GON4L: variants seen among roughly 807,000 people sequenced by gnomAD.
The protein encoded by GON4L is GON-4-like protein.
A neutral mutation model predicts 211.8 loss-of-function variants in GON4L; 87 were observed. That is an observed-to-expected ratio of 0.41 (90% CI 0.35 to 0.49). The LOEUF is 0.49. GON4L is among the 20% of genes least tolerant of loss of function. The pLI is 0.15. For synonymous variants in GON4L, 875 were observed against 962.6 expected, an observed-to-expected ratio of 0.91 and a Z score of 1.68; for missense variants, 2,155 against 2,659.5, an observed-to-expected ratio of 0.81 and a Z score of 4.17.
chr1:155,765,569 G>T lies in GON4L; in HGVS notation c.3904C>A (p.Leu1302Met). The T allele has an allele frequency of 1.2e-6, 2 of 1,614,164 alleles. No homozygotes were observed. The highest frequency in any genetic ancestry group is 4.5e-5 in the East Asian group (2 of 44,880). Residue 1302 changes from leucine to methionine, a missense_variant, in exon 21 of 32, where the codon CTG becomes ATG. By Grantham distance (15) the Leu-to-Met change is conservative. Coordinates refer to ENST00000368331, the MANE Select transcript of GON4L (RefSeq NM_001282860.2). Reference sequence around the variant, plus strand: ...TGGATGCCCTGAGGGAGCGGCTCCAGAGCTTGCCTCCCCTCCTCTGTTTTC... The same window carrying T: ...TGGATGCCCTGAGGGAGCGGCTCCATAGCTTGCCTCCCCTCCTCTGTTTTC... Reference protein sequence around the residue: ...VVKTEEGRQALEPLPQGIQES... With the variant: ...VVKTEEGRQAMEPLPQGIQES...
Position 155,766,498 on chromosome 1 carries a change from GCCTT to G in GON4L, c.2971_2974del (p.Lys991LeufsTer10). The stretch of plus-strand genomic sequence containing the variant: ...GACTGATGAACGCTTCTGTCTCCAA[GCCTT>G]CCTGGGGAAACGGGTGGCAACTGGC... On this transcript the variant is annotated frameshift_variant, in exon 21 of 32. Transcript: ENST00000368331. LOFTEE classifies it high-confidence loss of function. 3.1e-6 allele frequency: 5 copies of G among 1,614,122 alleles called. No individual in the cohort carries two copies. Among genetic ancestry groups the G allele is most frequent in the Non-Finnish European group, 4.2e-6 (5 of 1,180,024 alleles).
chr1:155,854,910 C>T (rs1557939592), intron 1 of GON4L, among the ~76,000 whole-genome samples: 1 of 152,048 alleles, frequency 6.6e-6, no homozygotes, highest in Admixed American at 6.6e-5. Flanking sequence ...TGGCACACGC[C>T]TGTGATCCCA....
chr1:155,825,771 G>A (rs377467229), intron 3 of GON4L, among the ~76,000 whole-genome samples: 4 of 151,772 alleles, frequency 2.6e-5, no homozygotes, highest in Non-Finnish European at 4.4e-5. Flanking sequence ...GGCCGGGTGC[G>A]GTGGCTCATG....
chr1:155,748,476 C>A, downstream of GON4L: 9 of 1,611,748 alleles, frequency 5.6e-6, no homozygotes, highest in Non-Finnish European at 7.6e-6. Context: ...CGCCTGTGTT[C>A]CTCTCCAGTT....
At chr1:155,797,046 A>C (rs1398329126) in intron 11 of GON4L, among the ~76,000 whole-genome samples, 1 of 152,178 alleles carries the variant, frequency 6.6e-6, no homozygotes, top group African/African-American at 2.4e-5. Context: ...GAACACCCAC[A>C]GAGTATCTAG....
At chr1:155,840,532 G>T (rs369365982) in intron 2 of GON4L, among the ~76,000 whole-genome samples, 4 of 152,140 alleles carry the variant, frequency 2.6e-5, no homozygotes, top group African/African-American at 7.2e-5. Context: ...CTCCTGACAG[G>T]TTGTGGACTC....
At chr1:155,799,830 T>C (rs928053611) in intron 11 of GON4L, among the ~76,000 whole-genome samples, 2 of 152,206 alleles carry the variant, frequency 1.3e-5, no homozygotes, top group Non-Finnish European at 2.9e-5. Flanking sequence ...AAGCTGCTGC[T>C]ACCAATAACG....
intron 16 of GON4L, among the ~76,000 whole-genome samples, chr1:155,775,740 C>T (rs1243824438): frequency 1.3e-5 from 2 of 152,028 alleles, no homozygotes; most frequent in East Asian, 3.9e-4. Context: ...ATTACAGGCA[C>T]AAGTCACCGC....
chr1:155,777,706 C>T lies in GON4L; in HGVS notation c.2007G>A (p.Lys669=). ...SSAKQLQEVE[K]VKPQSEKVHQ... ...GAACTTTCTCACTCTGGGGTTTAAC[C>T]TTCTCTACTTCCTGCAGCTGTTTGG... The change falls in exon 15 of 32, where the codon AAG becomes AAA. Residue 669 remains lysine (K), a synonymous_variant. Transcript: ENST00000368331. 1 of 1,613,270 alleles carries T rather than the reference C, an allele frequency of 6.2e-7. No homozygotes were observed. Among genetic ancestry groups the T allele is most frequent in the Non-Finnish European group, 8.5e-7 (1 of 1,179,240 alleles).
intron 24 of GON4L, among the ~76,000 whole-genome samples, chr1:155,759,202 T>C (rs1489896651): frequency 1.3e-5 from 2 of 151,644 alleles, no homozygotes; most frequent in Non-Finnish European, 2.9e-5. Context: ...GGTCTTGCTA[T>C]GTTGTCCAGG....
In GON4L at chr1:155,774,801, C is replaced by G. The variant is rs187714270; in HGVS notation, c.2350+201G>C. ...TCCTATACTGTCCACTGCCTCCACA[C>G]TTTACCCAGGCCCAGAGATTATCAT... On this transcript the variant is annotated intron_variant, in intron 17 of 31. Coordinates refer to ENST00000368331, the MANE Select transcript of GON4L (RefSeq NM_001282860.2). 1,190 of 869,874 alleles carry G rather than the reference C, an allele frequency of 1.4e-3. 3 individuals are homozygous for G. The highest frequency in any genetic ancestry group is 1.3e-3 in the Non-Finnish European group (693 of 544,862). The allele number at this position is 869,874 out of a possible 1,614,324, so 53.9% of individuals were successfully genotyped here. A position where few individuals can be genotyped will look rare whatever the true frequency, so the allele number is the denominator to read the frequency against.
rs1332644765 is a variant in GON4L at position 155,777,665 on chromosome 1, A to G, written c.2048T>C (p.Leu683Pro). The change falls in exon 15 of 32, where the codon CTG becomes CCG. Residue 683 changes from leucine (L) to proline (P), a missense_variant. Physicochemically the swap from Leu to Pro is moderately conservative, Grantham distance 98 (BLOSUM62 -3). Coordinates refer to ENST00000368331, the MANE Select transcript of GON4L (RefSeq NM_001282860.2). ...GAGTCTCTTCCTCTGTGCTGGGTCC[A>G]GAATCAGAGTCTGATGAACTTTCTC... Reference protein sequence around the residue: ...QSEKVHQTLILDPAQRKRLQQ... With the variant: ...QSEKVHQTLIPDPAQRKRLQQ... The G allele has an allele frequency of 2.7e-5, 43 of 1,613,810 alleles. No individual in the cohort carries two copies. The highest frequency in any genetic ancestry group is 3.6e-5 in the Non-Finnish European group (42 of 1,179,832).
chr1:155,827,702 A>C (rs879449865), intron 2 of GON4L, among the ~76,000 whole-genome samples: 2,503 of 40,540 alleles, frequency 0.062, 29 homozygotes, highest in Non-Finnish European at 0.16. Context: ...ACACACACAA[A>C]AAAAAAAGCC....
downstream of GON4L, chr1:155,749,545 C>A (rs868330205): frequency 2.9e-6 from 4 of 1,403,014 alleles, no homozygotes; most frequent in Middle Eastern, 5.9e-4. Flanking sequence ...CTGCTGACTC[C>A]CTGCAGGGTG....
At chr1:155,786,256 G>A (rs6692929) in intron 12 of GON4L, among the ~76,000 whole-genome samples, 2,939 of 152,266 alleles carry the variant, frequency 0.019, 94 homozygotes, top group African/African-American at 0.067. Context: ...GAAGACAGGA[G>A]AAAATGTGAG....
In GON4L at chr1:155,853,666, C is replaced by T; in HGVS notation, c.115G>A (p.Val39Ile). 1.2e-6 allele frequency: 2 copies of T among 1,613,918 alleles called. No individual in the cohort carries two copies. Among genetic ancestry groups the T allele is most frequent in the Non-Finnish European group, 8.5e-7 (1 of 1,179,790 alleles). The change falls in exon 2 of 32, where the codon GTT (valine) becomes ATT (isoleucine). Residue 39 changes from valine to isoleucine, a missense_variant. This residue lies in a region of GON4L where 313 missense variants were observed against 293.2 expected (regional missense o/e 1.07). Transcript: ENST00000368331. ...ESAVKPESDQ[V>I]KDLSSVSLSW... ...AGTGACACCGAACTCAAGTCCTTAA[C>T]CTGGTCAGATTCTGGTTTAACGGCT...
At chr1:155,851,422 C>G (rs960996256) in intron 2 of GON4L, among the ~76,000 whole-genome samples, 1 of 141,614 alleles carries the variant, frequency 7.1e-6, no homozygotes, top group African/African-American at 2.6e-5. Flanking sequence ...AAACAAAAAC[C>G]TTCACAATCT....
At chr1:155,808,004 AT>A (rs1270149465) in intron 10 of GON4L, among the ~76,000 whole-genome samples, 1 of 151,824 alleles carries the variant, frequency 6.6e-6, no homozygotes, top group African/African-American at 2.4e-5. Context: ...TTTAACATTA[AT>A]CCAAAAATAT....
chr1:155,750,479 AT>A lies in GON4L; in HGVS notation c.*104del. The stretch of plus-strand genomic sequence containing the variant: ...CTTGTCCTGGCCTCCTGCTCTCCAG[AT>A]CTGTAAACTGGGCTCAAGGACTGTA... On this transcript the variant is annotated 3_prime_UTR_variant, in exon 32 of 32. Transcript: ENST00000368331. 1.2e-6 allele frequency: 1 copy of A among 826,438 alleles called. No individual in the cohort carries two copies. The highest frequency in any genetic ancestry group is 1.5e-5 in the South Asian group (1 of 68,520). The allele number at this position is 826,438 out of a possible 1,614,324, so 51.2% of individuals were successfully genotyped here. A position where few individuals can be genotyped will look rare whatever the true frequency, so the allele number is the denominator to read the frequency against.
Sources: allele counts gnomAD v4.1 joint callset (sites outside exome capture counted in the v4.1 genomes callset), GRCh38; gene constraint gnomAD v4.1.1; regional missense constraint gnomAD v4.1.1; transcripts MANE v1.5; gene names NCBI Gene and HGNC (gene_info 2026-07-23, HGNC 2026-07-21).